Variants in SLC35A3 observed in about 807,000 individuals in gnomAD.
The protein encoded by SLC35A3 is UDP-N-acetylglucosamine transporter.
In SLC35A3, 26 loss-of-function variants were observed where a neutral mutation model predicts 39.0. That is an observed-to-expected ratio of 0.67 (90% CI 0.49 to 0.92). The LOEUF is 0.92. Among genes scored for constraint, SLC35A3 ranks in the 40% least tolerant of loss-of-function variants. The pLI is 0.00. For synonymous variants in SLC35A3, 135 were observed against 133.1 expected, an observed-to-expected ratio of 1.01 and a Z score of -0.10; for missense variants, 299 against 371.6, an observed-to-expected ratio of 0.80 and a Z score of 1.61.
In SLC35A3 at chr1:100,028,296, GT is replaced by G. The variant is rs567214538; in HGVS notation, c.*5826del. 4.7e-4 allele frequency: 70 copies of G among 150,116 alleles called. No homozygotes were observed. Among genetic ancestry groups the G allele is most frequent in the Non-Finnish European group, 9.0e-4 (61 of 68,062 alleles). The allele number at this position is 150,116 out of a possible 1,614,324, so 9.3% of individuals were successfully genotyped here. ...CAGCATTAGTAATCATACTGGTGGG[GT>G]TTTTTGGGGTGTTTTTCTGTTTTGT... is the stretch of plus-strand genomic sequence containing the variant. On this transcript the variant is annotated 3_prime_UTR_variant, in exon 8 of 8. Coordinates refer to ENST00000533028, the MANE Select transcript of SLC35A3 (RefSeq NM_012243.3).
intron 1 of SLC35A3, chr1:99,970,526 G>A (rs1450352297): frequency 3.3e-6 from 5 of 1,533,648 alleles, no homozygotes; most frequent in Non-Finnish European, 3.5e-6. Context: ...CATTCCTTCA[G>A]TGAACATCCC....
At chr1:99,985,583 T>C (rs1214658383) in intron 1 of SLC35A3, among the ~76,000 whole-genome samples, 2 of 152,168 alleles carry the variant, frequency 1.3e-5, no homozygotes, top group East Asian at 1.9e-4. Flanking sequence ...TTTAGGATTG[T>C]TTTTTCTAGT....
intron 6 of SLC35A3, 21 bp from the exon 7 acceptor site, chr1:100,017,661 A>C: frequency 6.8e-7 from 1 of 1,470,784 alleles, no homozygotes; most frequent in Non-Finnish European, 9.1e-7. Context: ...TGTTTTAAAA[A>C]ATATTTTTTT....
At chr1:100,002,782 AT>A (rs35227168) in intron 3 of SLC35A3, among the ~76,000 whole-genome samples, 105 of 145,384 alleles carry the variant, frequency 7.2e-4, no homozygotes, top group South Asian at 2.2e-3. Flanking sequence ...ATGCCGGTTA[AT>A]TTTTTTTTTT....
chr1:100,014,919 G>A (rs541082590), intron 5 of SLC35A3, among the ~76,000 whole-genome samples: 2 of 152,270 alleles, frequency 1.3e-5, no homozygotes, highest in East Asian at 3.9e-4. Flanking sequence ...AGGACTTTGT[G>A]AGGCCAAGGC....
chr1:99,986,915 G>A (rs1208761752), intron 1 of SLC35A3, among the ~76,000 whole-genome samples: 1 of 152,230 alleles, frequency 6.6e-6, no homozygotes, highest in Non-Finnish European at 1.5e-5. Flanking sequence ...AGAAGTTAGA[G>A]CATTGCTGTT....
Position 100,022,417 on chromosome 1 carries a change from A to T in SLC35A3, c.919A>T (p.Thr307Ser). The T allele has an allele frequency of 6.2e-7, 1 of 1,603,610 alleles. No individual in the cohort carries two copies. Among genetic ancestry groups the T allele is most frequent in the Non-Finnish European group, 8.5e-7 (1 of 1,171,806 alleles). The change falls in exon 8 of 8, where the codon ACA becomes TCA. Residue 307 changes from threonine to serine, a missense_variant. Physicochemically the swap from Thr to Ser is moderately conservative, Grantham distance 58. Transcript: ENST00000533028. ...VFFLGAILVITATFLYGYDPK... is the reference protein window; with the variant it reads ...VFFLGAILVISATFLYGYDPK... The stretch of plus-strand genomic sequence containing the variant: ...TTTCCTTGGAGCCATCCTTGTAATA[A>T]CAGCTACTTTTTTGTATGGTTATGA...
At chr1:99,985,374 G>A (rs878901384) in intron 1 of SLC35A3, among the ~76,000 whole-genome samples, 3 of 152,142 alleles carry the variant, frequency 2.0e-5, no homozygotes, top group Admixed American at 6.5e-5. Context: ...TCAGTTGGCT[G>A]TAAGTATTTG....
chr1:100,019,193 G>A (rs951339262), intron 7 of SLC35A3, among the ~76,000 whole-genome samples: 2 of 150,816 alleles, frequency 1.3e-5, no homozygotes, highest in Non-Finnish European at 2.9e-5. Flanking sequence ...ATGTAAGGCC[G>A]AGGTAATTAA....
chr1:99,996,693 C>T (rs750384475), intron 2 of SLC35A3, among the ~76,000 whole-genome samples: 8 of 151,894 alleles, frequency 5.3e-5, no homozygotes, highest in Non-Finnish European at 7.4e-5. Flanking sequence ...GGCAACATAG[C>T]GAGGCCCTCA....
At chr1:100,006,502 C>T (rs1659238228) in intron 3 of SLC35A3, among the ~76,000 whole-genome samples, 1 of 152,160 alleles carries the variant, frequency 6.6e-6, no homozygotes, top group East Asian at 1.9e-4. Flanking sequence ...AATTTTCAGG[C>T]CCCAGTTTGT....
intron 1 of SLC35A3, among the ~76,000 whole-genome samples, chr1:99,983,095 A>C (rs1346700696): frequency 4.6e-5 from 7 of 152,308 alleles, no homozygotes; most frequent in African/African-American, 1.7e-4. Context: ...TTTACTATAT[A>C]GATATACTCA....
Position 100,031,372 on chromosome 1 carries a change from C to A in SLC35A3, c.*8896C>A, listed in dbSNP as rs1661221334. 1 of 152,204 alleles carries A rather than the reference C, an allele frequency of 6.6e-6. No homozygotes were observed. The highest frequency in any genetic ancestry group is 1.5e-5 in the Non-Finnish European group (1 of 68,036). 9.4% of individuals were successfully genotyped at this position (152,204 alleles called of 1,614,324 possible). A position where few individuals can be genotyped will look rare whatever the true frequency, so the allele number is the denominator to read the frequency against. On this transcript the variant is annotated 3_prime_UTR_variant, in exon 8 of 8. Coordinates refer to ENST00000533028, the MANE Select transcript of SLC35A3 (RefSeq NM_012243.3). ...GACACTTTACCCCTACATACTCCAG[C>A]ATGCGTGACCTAAAGATATGGACAT...
chr1:100,023,656 T>G lies in SLC35A3; in HGVS notation c.*1180T>G, dbSNP rs999517198. The G allele has an allele frequency of 6.6e-6, 1 of 152,302 alleles. No individual in the cohort carries two copies. The highest frequency in any genetic ancestry group is 1.5e-5 in the Non-Finnish European group (1 of 68,092). The allele number at this position is 152,302 out of a possible 1,614,324, so 9.4% of individuals were successfully genotyped here. The stretch of plus-strand genomic sequence containing the variant: ...GGTCTCTCATAAGCCTATTCTTCCC[T>G]GATCACATGAGTGGGAGAGGTAGCC... On this transcript the variant is annotated 3_prime_UTR_variant, in exon 8 of 8. Coordinates refer to ENST00000533028, the MANE Select transcript of SLC35A3 (RefSeq NM_012243.3).
intron 5 of SLC35A3, among the ~76,000 whole-genome samples, chr1:100,012,579 C>T (rs898413195): frequency 7.9e-5 from 12 of 152,118 alleles, no homozygotes; most frequent in Admixed American, 3.9e-4. Flanking sequence ...CAAAGATTAA[C>T]ATGATAAGAT....
rs910945831 is a variant in SLC35A3, at chr1:100,029,368, C to T, written c.*6892C>T. On this transcript the variant is annotated 3_prime_UTR_variant, in exon 8 of 8. Transcript: ENST00000533028. ...AAGACCATTCATCTCTATACACTTCCTTCTGAATTGATGAGGATGATACAA... is the reference window on the plus strand; with the variant it reads ...AAGACCATTCATCTCTATACACTTCTTTCTGAATTGATGAGGATGATACAA... 1 of 151,992 alleles carries T rather than the reference C, an allele frequency of 6.6e-6. No homozygotes were observed. Among genetic ancestry groups the T allele is most frequent in the African/African-American group, 2.4e-5 (1 of 41,350 alleles). 9.4% of individuals were successfully genotyped at this position (151,992 alleles called of 1,614,324 possible).
intron 4 of SLC35A3, among the ~76,000 whole-genome samples, chr1:100,010,393 T>C (rs1659543976): frequency 6.6e-6 from 1 of 152,118 alleles, no homozygotes; most frequent in Admixed American, 6.5e-5. Flanking sequence ...GGAAAAATGG[T>C]TTTAAGAAGT....
chr1:99,970,408 A>G, intron 1 of SLC35A3: 1 of 635,844 alleles, frequency 1.6e-6, no homozygotes. Flanking sequence ...GTGGAGGAGG[A>G]AAAAAGGCCC....
intron 2 of SLC35A3, among the ~76,000 whole-genome samples, chr1:99,996,679 C>T (rs1398407200): frequency 6.6e-6 from 1 of 152,016 alleles, no homozygotes; most frequent in African/African-American, 2.4e-5. Context: ...TGGGATCTAG[C>T]CTGGGCAACA....
Sources: allele counts gnomAD v4.1 joint callset (sites outside exome capture counted in the v4.1 genomes callset), GRCh38; gene constraint gnomAD v4.1.1; transcripts MANE v1.5; gene names NCBI Gene and HGNC (gene_info 2026-07-23, HGNC 2026-07-21).